GALNTL6: variants seen among roughly 807,000 people sequenced by gnomAD.
The protein encoded by GALNTL6 is polypeptide N-acetylgalactosaminyltransferase-like 6.
Under a neutral mutation model 73.7 loss-of-function variants are expected in GALNTL6, and 46 were observed. That is an observed-to-expected ratio of 0.62 (90% confidence interval 0.49 to 0.80). The LOEUF is 0.80. GALNTL6 is among the 30% of genes least tolerant of loss of function. GALNTL6 has a pLI of 0.00. For synonymous variants in GALNTL6, 259 were observed against 263.7 expected (o/e 0.98, Z 0.17); for missense variants, 604 against 755.0 (o/e 0.80, Z 2.34).
chr4:172,421,138 CA>C, intron 5 of GALNTL6, among the ~76,000 whole-genome samples: 1 of 151,936 alleles, frequency 6.6e-6, no homozygotes, highest in East Asian at 1.9e-4. Flanking sequence ...ACTTTCAGCA[CA>C]TGTATCCCAG....
At chr4:171,979,940 AGAAAC>A (rs1380521969) in intron 2 of GALNTL6, among the ~76,000 whole-genome samples, 2 of 91,540 alleles carry the variant, frequency 2.2e-5, no homozygotes, top group Non-Finnish European at 5.0e-5. Context: ...GAGAAGGAAA[AGAAAC>A]AGAGTGACAA....
chr4:172,731,291 G>A (rs1483392119), intron 5 of GALNTL6, among the ~76,000 whole-genome samples: 1 of 152,094 alleles, frequency 6.6e-6, no homozygotes, highest in Admixed American at 6.6e-5. Context: ...TAGATTGTAT[G>A]TGTCCAGGAT....
At chr4:171,972,924 G>A (rs1164061393) in intron 2 of GALNTL6, among the ~76,000 whole-genome samples, 9 of 151,990 alleles carry the variant, frequency 5.9e-5, no homozygotes, top group Admixed American at 3.9e-4. Flanking sequence ...TAGTATAATC[G>A]AATTTCTTCT....
chr4:172,767,657 G>A (rs1183651218), intron 5 of GALNTL6, among the ~76,000 whole-genome samples: 1 of 100,248 alleles, frequency 1.0e-5, no homozygotes, highest in Admixed American at 1.2e-4. Flanking sequence ...CTCAAGAACT[G>A]ATTTTTTTTC....
intron 2 of GALNTL6, among the ~76,000 whole-genome samples, chr4:172,079,075 ATATT>A (rs1247491470): frequency 6.6e-6 from 1 of 152,064 alleles, no homozygotes; most frequent in African/African-American, 2.4e-5. Flanking sequence ...ATATGTATCT[ATATT>A]TATGTTTTTA....
chr4:172,605,110 T>C (rs1738204941), intron 5 of GALNTL6, among the ~76,000 whole-genome samples: 1 of 152,216 alleles, frequency 6.6e-6, no homozygotes, highest in African/African-American at 2.4e-5. Flanking sequence ...AAGCATTTTA[T>C]AGACAAAATG....
intron 11 of GALNTL6, among the ~76,000 whole-genome samples, chr4:173,013,663 C>A (rs1752654077): frequency 6.9e-6 from 1 of 145,452 alleles, no homozygotes; most frequent in Admixed American, 7.1e-5. Context: ...CAGAAAACTA[C>A]ATAGGCAGAA....
At chr4:172,060,610 G>C (rs1269054391) in intron 2 of GALNTL6, among the ~76,000 whole-genome samples, 1 of 151,582 alleles carries the variant, frequency 6.6e-6, no homozygotes, top group Non-Finnish European at 1.5e-5. Flanking sequence ...TACATATTTT[G>C]GTATCAGAAA....
At position 172,504,159 on chromosome 4, in the gene GALNTL6, CAA is replaced by C. The variant is rs775200126; in HGVS notation, c.553+155489_553+155490del. Among the ~76,000 whole-genome samples the C allele has an allele frequency of 3.9e-4, 2 of 5,140 alleles. 1 individual carries two copies. Among genetic ancestry groups the C allele is most frequent in the Non-Finnish European group, 6.7e-4 (2 of 2,982 alleles). 3.4% of individuals were successfully genotyped at this position (5,140 alleles called of 152,430 possible). On this transcript the variant is annotated intron_variant, in intron 5 of 12. Coordinates refer to ENST00000506823, the MANE Select transcript of GALNTL6 (RefSeq NM_001034845.3). ...TGGGCAACAGAGCGAGACTCTGTCT[CAA>C]AAAAAAAAAAAAAAAAAACTCACAC...
intron 2 of GALNTL6, among the ~76,000 whole-genome samples, chr4:171,874,179 G>A (rs1316011302): frequency 6.6e-6 from 1 of 152,068 alleles, no homozygotes; most frequent in East Asian, 1.9e-4. Context: ...AACAAATCAA[G>A]GACTGACTCT....
intron 2 of GALNTL6, among the ~76,000 whole-genome samples, chr4:172,017,127 C>T (rs1272943926): frequency 6.6e-6 from 1 of 152,064 alleles, no homozygotes; most frequent in African/African-American, 2.4e-5. Context: ...ATGTAATACC[C>T]AATGGTGGGC....
chr4:171,833,929 C>T (rs556695485), intron 2 of GALNTL6, among the ~76,000 whole-genome samples: 13 of 151,780 alleles, frequency 8.6e-5, no homozygotes, highest in Middle Eastern at 3.4e-3. Flanking sequence ...TTTGAAAATA[C>T]GGAGCAAAAT....
intron 2 of GALNTL6, among the ~76,000 whole-genome samples, chr4:171,949,786 G>C (rs910288167): frequency 6.6e-6 from 1 of 152,120 alleles, no homozygotes; most frequent in African/African-American, 2.4e-5. Flanking sequence ...AAATGAAATA[G>C]AAATTTTATA....
chr4:172,441,212 C>T (rs1481478147), intron 5 of GALNTL6, among the ~76,000 whole-genome samples: 4 of 152,004 alleles, frequency 2.6e-5, no homozygotes, highest in African/African-American at 9.7e-5. Flanking sequence ...TCAATACTAC[C>T]TTTACCATAT....
intron 5 of GALNTL6, among the ~76,000 whole-genome samples, chr4:172,495,253 G>A (rs1734033017): frequency 6.6e-6 from 1 of 152,140 alleles, no homozygotes; most frequent in South Asian, 2.1e-4. Context: ...GACAAAGCAA[G>A]AAGAAAAGAG....
intron 5 of GALNTL6, among the ~76,000 whole-genome samples, chr4:172,681,563 A>G (rs1732633902): frequency 6.6e-6 from 1 of 152,176 alleles, no homozygotes; most frequent in South Asian, 2.1e-4. Flanking sequence ...AATTACTTTC[A>G]TGTGTTTCTT....
intron 5 of GALNTL6, among the ~76,000 whole-genome samples, chr4:172,699,664 T>C (rs1349758744): frequency 2.0e-5 from 3 of 152,148 alleles, no homozygotes; most frequent in Non-Finnish European, 4.4e-5. Context: ...TGTGACCAGA[T>C]ACTATAATCA....
chr4:172,005,496 A>G (rs910512580), intron 2 of GALNTL6, among the ~76,000 whole-genome samples: 3 of 152,126 alleles, frequency 2.0e-5, no homozygotes, highest in Admixed American at 1.3e-4. Flanking sequence ...AATAAACCCT[A>G]CACTACAGAA....
intron 2 of GALNTL6, among the ~76,000 whole-genome samples, chr4:172,066,283 C>T (rs1422730964): frequency 3.9e-5 from 6 of 152,170 alleles, no homozygotes; most frequent in Non-Finnish European, 8.8e-5. Context: ...CTGGAAGCCA[C>T]TGATCTCTTT....
Sources: gnomAD v4.1 joint callset for allele counts (sites outside exome capture counted in the v4.1 genomes callset) on GRCh38, gnomAD v4.1.1 for gene constraint, MANE v1.5 for transcripts, NCBI Gene and HGNC (gene_info 2026-07-23, HGNC 2026-07-21) for gene names.